Variants in RRP15 observed in about 807,000 individuals in gnomAD.
RRP15 encodes the protein ribosomal RNA processing 15 homolog, also known as RRP15-like protein.
A neutral mutation model predicts 27.1 loss-of-function variants in RRP15; 18 were observed. The ratio of observed to expected loss-of-function variants is 0.66; its 90% confidence interval spans 0.46 to 0.98. The LOEUF (loss-of-function observed/expected upper bound fraction) is 0.98. RRP15 is among the 50% of genes least tolerant of loss of function. RRP15 has a pLI of 0.00. For synonymous variants in RRP15, 107 were observed against 109.4 expected (o/e 0.98, Z 0.14); for missense variants, 359 against 337.8 (o/e 1.06, Z -0.49).
rs1334551765 is a variant in RRP15 at position 218,331,648 on chromosome 1, C to A, written c.*557C>A. On this transcript the variant is annotated 3_prime_UTR_variant, in exon 5 of 5. Transcript: ENST00000366932. ...ATATGATTTAAGAAACAACAGATTT[C>A]AACTTTTTTTTTTTTTTTTTTTTTT... 5.0e-5 allele frequency: 4 copies of A among 79,712 alleles called. No individual in the cohort carries two copies. The highest frequency in any genetic ancestry group is 4.6e-4 in the East Asian group (1 of 2,184). 4.9% of individuals were successfully genotyped at this position (79,712 alleles called of 1,614,324 possible). A position where few individuals can be genotyped will look rare whatever the true frequency, so the allele number is the denominator to read the frequency against.
chr1:218,327,878 T>C (rs1014803236), intron 4 of RRP15, among the ~76,000 whole-genome samples: 5 of 152,226 alleles, frequency 3.3e-5, no homozygotes, highest in African/African-American at 1.2e-4. Flanking sequence ...CTTGGTCTTA[T>C]AGCAGTGAAC....
At chr1:218,295,335 A>G (rs1655703002) in intron 1 of RRP15, among the ~76,000 whole-genome samples, 1 of 152,322 alleles carries the variant, frequency 6.6e-6, no homozygotes, top group African/African-American at 2.4e-5. Flanking sequence ...TGTTGTCTGT[A>G]AATCAACCCA....
intron 4 of RRP15, among the ~76,000 whole-genome samples, chr1:218,325,790 TTC>T (rs1183276159): frequency 1.3e-5 from 2 of 152,216 alleles, no homozygotes; most frequent in East Asian, 3.8e-4. Flanking sequence ...TGTACATTTT[TTC>T]TCTGTCTGTA....
rs183839681 is a variant in RRP15, at chr1:218,327,551, G to A, written c.706-3397G>A. Among the ~76,000 whole-genome samples, 364 of 152,220 alleles carry A rather than the reference G, an allele frequency of 2.4e-3. 2 individuals are homozygous for A. Among genetic ancestry groups the A allele is most frequent in the Non-Finnish European group, 3.6e-3 (246 of 67,998 alleles). ...ACTCCTGACCTCAAGTGATCTGCCC[G>A]CCTCAGCCTCCCAAACTCCTGGGAT... On this transcript the variant is annotated intron_variant, in intron 4 of 4. Coordinates refer to ENST00000366932, the MANE Select transcript of RRP15 (RefSeq NM_016052.4).
intron 1 of RRP15, among the ~76,000 whole-genome samples, chr1:218,286,356 C>A (rs942116564): frequency 2.6e-5 from 4 of 152,088 alleles, no homozygotes; most frequent in African/African-American, 9.7e-5. Context: ...TGTTTAACAC[C>A]TTAAACATGC....
intron 4 of RRP15, among the ~76,000 whole-genome samples, chr1:218,318,546 A>T (rs920076287): frequency 6.6e-6 from 1 of 152,156 alleles, no homozygotes; most frequent in Admixed American, 6.5e-5. Flanking sequence ...ATCTTGTTCT[A>T]TGCCTTTTTC....
chr1:218,320,658 A>C (rs1265659962), intron 4 of RRP15, among the ~76,000 whole-genome samples: 1 of 152,146 alleles, frequency 6.6e-6, no homozygotes, highest in Non-Finnish European at 1.5e-5. Flanking sequence ...ACATTTTGCC[A>C]TAAACGTTTA....
chr1:218,286,418 C>G lies in RRP15; in HGVS notation c.139+963C>G, dbSNP rs143410932. On this transcript the variant is annotated intron_variant, in intron 1 of 4. Coordinates refer to ENST00000366932, the MANE Select transcript of RRP15 (RefSeq NM_016052.4). ...TGGCTCCGCTGCCTAGAATAGTTTT[C>G]AAATGCTTGGCATGTCTCTCCCTCA... 3.3e-5 allele frequency among the ~76,000 whole-genome samples: 5 copies of G among 152,306 alleles called. No individual in the cohort carries two copies. In the East Asian group the frequency reaches 5.8e-4, roughly 18 times the overall value.
At chr1:218,290,265 A>G (rs1172220088) in intron 1 of RRP15, among the ~76,000 whole-genome samples, 2 of 152,196 alleles carry the variant, frequency 1.3e-5, no homozygotes, top group African/African-American at 4.8e-5. Context: ...TCAATTTGTG[A>G]ATTCGCAGTT....
intron 1 of RRP15, among the ~76,000 whole-genome samples, chr1:218,297,088 AG>A (rs1288956831): frequency 6.6e-6 from 1 of 152,176 alleles, no homozygotes; most frequent in East Asian, 1.9e-4. Flanking sequence ...CCAGTGAAGT[AG>A]TTACTGTTTT....
Position 218,336,588 on chromosome 1 carries a change from A to T in RRP15, c.*5497A>T, listed in dbSNP as rs942228215. 1 of 152,660 alleles carries T rather than the reference A, an allele frequency of 6.6e-6. No individual in the cohort carries two copies. Among genetic ancestry groups the T allele is most frequent in the Non-Finnish European group, 1.5e-5 (1 of 68,058 alleles). The allele number at this position is 152,660 out of a possible 1,614,324, so 9.5% of individuals were successfully genotyped here. A position where few individuals can be genotyped will look rare whatever the true frequency, so the allele number is the denominator to read the frequency against. On this transcript the variant is annotated 3_prime_UTR_variant, in exon 5 of 5. Transcript: ENST00000366932. ...AGACTTCAATCTTAGGTAAAAATGT[A>T]TCCCTCCCATGGACAGGACATAAAC...
intron 1 of RRP15, among the ~76,000 whole-genome samples, chr1:218,291,842 C>A (rs1558201023): frequency 6.7e-6 from 1 of 149,054 alleles, no homozygotes; most frequent in Non-Finnish European, 1.5e-5. Context: ...CCACTCCCCA[C>A]CCCCTTTTTT....
At chr1:218,302,158 G>A (rs772508555) in intron 1 of RRP15, 136 bp from the exon 2 acceptor site, 5 of 658,532 alleles carry the variant, frequency 7.6e-6, no homozygotes, top group Non-Finnish European at 5.4e-6. Flanking sequence ...CATCATTACT[G>A]TAGCTGTGGG....
intron 4 of RRP15, among the ~76,000 whole-genome samples, chr1:218,330,254 A>T (rs1414029543): frequency 6.6e-6 from 1 of 152,220 alleles, no homozygotes; most frequent in Non-Finnish European, 1.5e-5. Flanking sequence ...GTACCATGAA[A>T]TGAAAGGCTG....
At chr1:218,297,179 T>C (rs1438343494) in intron 1 of RRP15, among the ~76,000 whole-genome samples, 1 of 152,190 alleles carries the variant, frequency 6.6e-6, no homozygotes, top group East Asian at 1.9e-4. Context: ...TAGAAAGTAC[T>C]GGAATAAGAA....
intron 4 of RRP15, among the ~76,000 whole-genome samples, chr1:218,314,254 G>A (rs909486395): frequency 6.6e-6 from 1 of 152,094 alleles, no homozygotes; most frequent in African/African-American, 2.4e-5. Flanking sequence ...AAAAAATTAA[G>A]CTTTAACTCT....
intron 4 of RRP15, among the ~76,000 whole-genome samples, chr1:218,309,519 C>G (rs555931877): frequency 6.6e-6 from 1 of 151,738 alleles, no homozygotes; most frequent in African/African-American, 2.4e-5. Context: ...ACTGTCTCTA[C>G]TAAAAATACA....
chr1:218,317,917 A>G (rs1320031684), intron 4 of RRP15, among the ~76,000 whole-genome samples: 2 of 151,522 alleles, frequency 1.3e-5, no homozygotes, highest in Admixed American at 6.6e-5. Context: ...TTTTTTTTCT[A>G]GAGATGGGGG....
chr1:218,326,823 T>C (rs1377582540), intron 4 of RRP15, among the ~76,000 whole-genome samples: 1 of 152,196 alleles, frequency 6.6e-6, no homozygotes, highest in African/African-American at 2.4e-5. Flanking sequence ...AACCTCCAGG[T>C]ATTATGCCAG....
Sources: allele counts gnomAD v4.1 joint callset (sites outside exome capture counted in the v4.1 genomes callset), GRCh38; gene constraint gnomAD v4.1.1; transcripts MANE v1.5; gene names NCBI Gene and HGNC (gene_info 2026-07-23, HGNC 2026-07-21).